Variants in TTC38 observed in about 807,000 individuals in gnomAD.
TTC38 encodes the protein tetratricopeptide repeat domain 38.
A neutral mutation model predicts 64.2 loss-of-function variants in TTC38; 64 were observed. The observed-to-expected ratio is 1.00, with a 90% CI of 0.81 to 1.23. TTC38 has a LOEUF of 1.23. Ranked by LOEUF, TTC38 falls within the 50% of genes most tolerant of loss-of-function variation. The pLI is 0.00. For synonymous variants in TTC38, 254 were observed against 249.3 expected, an observed-to-expected ratio of 1.02 and a Z score of -0.18; for missense variants, 573 against 615.5, an observed-to-expected ratio of 0.93 and a Z score of 0.73.
chr22:46,288,362 T>G (rs1321853289), intron 10 of TTC38, 61 bp from the exon 11 acceptor site: 8 of 1,543,324 alleles, frequency 5.2e-6, no homozygotes, highest in Non-Finnish European at 7.1e-6. Flanking sequence ...AGGGAGGCCC[T>G]TGCACGGGAC....
At position 46,275,256 on chromosome 22, in the gene TTC38, C is replaced by T. The variant is rs914160315; in HGVS notation, c.374C>T (p.Pro125Leu). The change falls in exon 5 of 14, where the codon CCG (proline) becomes CTG (leucine). Residue 125 changes from proline (P) to leucine (L), a missense_variant. Around this residue, in one of 3 missense-constraint regions of TTC38, gnomAD observed 68 missense variants for 107.3 expected, o/e 0.63. Coordinates refer to ENST00000381031, the MANE Select transcript of TTC38 (RefSeq NM_017931.4). This position sits in a 1 kb window ranked among gnomAD's most constrained non-coding sequence, Gnocchi z 4.5. ...TCTTTCTCGGTTTCCAGGAACTTTC[C>T]GAAAGCCTGTGAACTATGGGAACAG... is the stretch of plus-strand genomic sequence containing the variant. ...AVETFANGNF[P>L]KACELWEQIL... 18 of 1,612,544 alleles carry T rather than the reference C, an allele frequency of 1.1e-5. No individual in the cohort carries two copies. Among genetic ancestry groups the T allele is most frequent in the South Asian group, 5.5e-5 (5 of 90,892 alleles).
intron 11 of TTC38, 55 bp downstream of exon 11, chr22:46,288,643 G>T (rs1249480096): frequency 2.6e-6 from 4 of 1,562,362 alleles, no homozygotes; most frequent in Middle Eastern, 1.7e-4. Context: ...AGAGGGTGAG[G>T]GGGTGCTAGG....
intron 2 of TTC38, 106 bp downstream of exon 2, chr22:46,268,697 G>C (rs1936820782): frequency 9.6e-7 from 1 of 1,040,046 alleles, no homozygotes; most frequent in Admixed American, 2.2e-5. Flanking sequence ...GTTTTGTTTT[G>C]TTTTTGAGGC....
intron 6 of TTC38, chr22:46,280,295 T>G (rs527831948): frequency 2.3e-6 from 1 of 433,156 alleles, no homozygotes; most frequent in African/African-American, 2.0e-5. Context: ...GGTGGAGGCT[T>G]AGGGAGGAGG....
At position 46,270,710 on chromosome 22, in the gene TTC38, C is replaced by T. The variant is rs887906764; in HGVS notation, c.112-1625C>T. Among the ~76,000 whole-genome samples, 3 of 151,974 alleles carry T rather than the reference C, an allele frequency of 2.0e-5. No homozygotes were observed. The highest frequency in any genetic ancestry group is 2.9e-5 in the Non-Finnish European group (2 of 67,968). On this transcript the variant is annotated intron_variant, in intron 2 of 13. Transcript: ENST00000381031. This position sits in a 1 kb window ranked among gnomAD's most constrained non-coding sequence, Gnocchi z 4.7. ...ATTAGCCGGGCATGGTGGCATGGGCCTGTAATCCCAGCTACTCGGGAGGCT... is the reference window on the plus strand; with the variant it reads ...ATTAGCCGGGCATGGTGGCATGGGCTTGTAATCCCAGCTACTCGGGAGGCT...
At chr22:46,268,773 C>T in intron 2 of TTC38, 182 bp downstream of exon 2, 1 of 584,974 alleles carries the variant, frequency 1.7e-6, no homozygotes, top group Non-Finnish European at 3.0e-6. Context: ...CAAGCTTTGC[C>T]TCCCGGGTTC....
At chr22:46,268,664 G>A (rs915641998) in intron 2 of TTC38, 73 bp downstream of exon 2, 31 of 1,416,842 alleles carry the variant, frequency 2.2e-5, no homozygotes, top group Non-Finnish European at 2.9e-5. Context: ...GGGGAAAGCT[G>A]TTTTTTTGTT....
intron 10 of TTC38, among the ~76,000 whole-genome samples, chr22:46,288,104 G>A (rs1361764767): frequency 3.3e-5 from 5 of 152,128 alleles, no homozygotes; most frequent in African/African-American, 1.2e-4. Context: ...CCATTGGGAA[G>A]CCAAGGGTTG....
chr22:46,268,179 G>A, intron 1 of TTC38, 107 bp downstream of exon 1: 2 of 1,308,962 alleles, frequency 1.5e-6, no homozygotes, highest in Non-Finnish European at 2.1e-6. Flanking sequence ...GGGGCGTGGG[G>A]TGAGCCCTGG....
rs115908379 is a variant in TTC38 at position 46,280,360 on chromosome 22, T to C, written c.616-1239T>C. 2.3e-3 allele frequency: 849 copies of C among 365,398 alleles called. 6 individuals are homozygous for C. The highest frequency in any genetic ancestry group is 0.017 in the African/African-American group (797 of 46,824). The allele number at this position is 365,398 out of a possible 1,614,324, so 22.6% of individuals were successfully genotyped here. On this transcript the variant is annotated intron_variant, in intron 6 of 13. Transcript: ENST00000381031. ...TGTAGAGGGGCAGGTGAGGACTGGA[T>C]TCTGCTGGGCCTTGTAGCCTGGGAA...
In TTC38 at chr22:46,275,556, C is replaced by A; in HGVS notation, c.539+135C>A. 1 of 838,914 alleles carries A rather than the reference C, an allele frequency of 1.2e-6. No homozygotes were observed. The highest frequency in any genetic ancestry group is 1.8e-6 in the Non-Finnish European group (1 of 549,810). 52.0% of individuals were successfully genotyped at this position (838,914 alleles called of 1,614,324 possible). A position where few individuals can be genotyped will look rare whatever the true frequency, so the allele number is the denominator to read the frequency against. On this transcript the variant is annotated intron_variant, in intron 5 of 13. Transcript: ENST00000381031. This position sits in a 1 kb window ranked among gnomAD's most constrained non-coding sequence, Gnocchi z 4.5. ...GCTATTCTCCTAGTTCCTTAAAGTTCAAAGGCCTCATTTTCTTCACTTGAT... is the reference window on the plus strand; with the variant it reads ...GCTATTCTCCTAGTTCCTTAAAGTTAAAAGGCCTCATTTTCTTCACTTGAT...
intron 6 of TTC38, among the ~76,000 whole-genome samples, chr22:46,279,277 T>C (rs1435816710): frequency 6.6e-6 from 1 of 151,758 alleles, no homozygotes; most frequent in Non-Finnish European, 1.5e-5. Context: ...CTTGCAGGAG[T>C]GGAAACTGAG....
Position 46,272,242 on chromosome 22 carries a change from C to T in TTC38, c.112-93C>T, listed in dbSNP as rs1391774412. 4.0e-6 allele frequency: 4 copies of T among 990,788 alleles called. No homozygotes were observed. Among genetic ancestry groups the T allele is most frequent in the Non-Finnish European group, 6.3e-6 (4 of 633,956 alleles). 61.4% of individuals were successfully genotyped at this position (990,788 alleles called of 1,614,324 possible). On this transcript the variant is annotated intron_variant, in intron 2 of 13. Coordinates refer to ENST00000381031, the MANE Select transcript of TTC38 (RefSeq NM_017931.4). The surrounding 1 kb of genome is among the most constrained non-coding windows in gnomAD (Gnocchi z 6.4). ...CTGACCTCAGATGTTCTGCCCGCCT[C>T]GGCCTCCCAAAGTGTAAACCTGGAT...
Position 46,292,766 on chromosome 22 carries a change from A to G in TTC38, c.1317-25A>G. On this transcript the variant is annotated intron_variant, in intron 13 of 13. Coordinates refer to ENST00000381031, the MANE Select transcript of TTC38 (RefSeq NM_017931.4). The surrounding 1 kb of genome is among the most constrained non-coding windows in gnomAD (Gnocchi z 6.5). ...ACATCCCTCTAGAAGGTTCTGTAACAGGACCTCTGTGTCTGTTTCCACAGG... is the reference window on the plus strand; with the variant it reads ...ACATCCCTCTAGAAGGTTCTGTAACGGGACCTCTGTGTCTGTTTCCACAGG... The G allele has an allele frequency of 6.2e-7, 1 of 1,604,342 alleles. No homozygotes were observed. The highest frequency in any genetic ancestry group is 8.5e-7 in the Non-Finnish European group (1 of 1,171,454).
At chr22:46,286,945 T>TG in intron 9 of TTC38, 128 bp from the exon 10 acceptor site, 1 of 656,706 alleles carries the variant, frequency 1.5e-6, no homozygotes, top group East Asian at 2.8e-5. Context: ...GTTGAGGTGA[T>TG]GGGGACAGTG....
Position 46,292,379 on chromosome 22 carries a change from A to T in TTC38, c.1317-412A>T. The T allele has an allele frequency of 3.2e-6, 1 of 313,668 alleles. No homozygotes were observed. The highest frequency in any genetic ancestry group is 2.8e-5 in the South Asian group (1 of 35,254). 19.4% of individuals were successfully genotyped at this position (313,668 alleles called of 1,614,324 possible). ...TATAAGGGCACTAATCCCATTCACA[A>T]GGGCCCCACCCTCATGACTTAATCA... On this transcript the variant is annotated intron_variant, in intron 13 of 13. Coordinates refer to ENST00000381031, the MANE Select transcript of TTC38 (RefSeq NM_017931.4). The surrounding 1 kb of genome is among the most constrained non-coding windows in gnomAD (Gnocchi z 6.5).
chr22:46,280,014 G>C (rs1161716142), intron 6 of TTC38: 1 of 415,774 alleles, frequency 2.4e-6, no homozygotes, highest in African/African-American at 2.1e-5. Flanking sequence ...GTGGTGGATA[G>C]GGTCCCCTCC....
At chr22:46,285,143 T>C in intron 8 of TTC38, 98 bp from the exon 9 acceptor site, 3 of 1,049,104 alleles carry the variant, frequency 2.9e-6, no homozygotes, top group South Asian at 1.3e-5. Context: ...CCGGAGACCA[T>C]GTGCTCAGGG....
rs1204563068 is a variant in TTC38, at chr22:46,282,409, G to C, written c.735+691G>C. 6.6e-6 allele frequency among the ~76,000 whole-genome samples: 1 copy of C among 152,212 alleles called. No homozygotes were observed. Among genetic ancestry groups the C allele is most frequent in the African/African-American group, 2.4e-5 (1 of 41,452 alleles). ...GGAAGGAAAGGCTAGCACCATGGTG[G>C]AGGTGGGCCCTCTGGACAGACGGGG... On this transcript the variant is annotated intron_variant, in intron 7 of 13. Transcript: ENST00000381031. The surrounding 1 kb of genome is among the most constrained non-coding windows in gnomAD (Gnocchi z 4.4).
Sources: gnomAD v4.1 joint callset for allele counts (sites outside exome capture counted in the v4.1 genomes callset) on GRCh38, gnomAD v4.1.1 for gene constraint, gnomAD v4.1.1 regional missense constraint, Gnocchi (gnomAD v3.1) non-coding constraint, MANE v1.5 for transcripts, NCBI Gene and HGNC (gene_info 2026-07-23, HGNC 2026-07-21) for gene names.